The following ANKRD6 variants were observed in gnomAD, a reference collection of about 807,000 sequenced individuals.
ANKRD6 encodes the protein ankyrin repeat domain 6.
A neutral mutation model predicts 82.3 loss-of-function variants in ANKRD6; 56 were observed. The ratio of observed to expected loss-of-function variants is 0.68; its 90% CI spans 0.55 to 0.85. The LOEUF (loss-of-function observed/expected upper bound fraction) is 0.85. Among genes scored for constraint, ANKRD6 ranks in the 40% least tolerant of loss-of-function variants. The pLI is 0.00. For synonymous variants in ANKRD6, 347 were observed against 352.1 expected (o/e 0.99, Z 0.16); for missense variants, 852 against 907.6 (o/e 0.94, Z 0.79).
chr6:89,615,427 C>T (rs1332386023), intron 7 of ANKRD6, among the ~76,000 whole-genome samples: 1 of 152,168 alleles, frequency 6.6e-6, no homozygotes, highest in Non-Finnish European at 1.5e-5. Flanking sequence ...CCCTGCATAG[C>T]CCCCACCAAC....
intron 12 of ANKRD6, 121 bp from the exon 13 acceptor site, chr6:89,624,418 T>G: frequency 1.4e-5 from 17 of 1,258,794 alleles, no homozygotes; most frequent in Non-Finnish European, 1.7e-5. Context: ...ATGACAAGGA[T>G]GAGCCTATCT....
rs147119648 is a variant in ANKRD6, at chr6:89,484,318, A to G, written c.-144+50943A>G. On this transcript the variant is annotated intron_variant, in intron 1 of 15. Coordinates refer to ENST00000339746, the MANE Select transcript of ANKRD6 (RefSeq NM_001242809.2). Reference sequence around the variant, plus strand: ...ATGCGCTTACCACAGGGTAGAGGATATATGTCTTTGTCATGCTGTGGGCTT... The same window carrying G: ...ATGCGCTTACCACAGGGTAGAGGATGTATGTCTTTGTCATGCTGTGGGCTT... Among the ~76,000 whole-genome samples the G allele has an allele frequency of 3.3e-5, 5 of 152,328 alleles. No individual in the cohort carries two copies. In the East Asian group the frequency reaches 9.6e-4, roughly 29 times the overall value.
chr6:89,552,949 A>G (rs1786046929), intron 1 of ANKRD6, among the ~76,000 whole-genome samples: 1 of 152,126 alleles, frequency 6.6e-6, no homozygotes. Context: ...TCTTTTGTGG[A>G]TAGTGGTGTG....
At chr6:89,627,796 C>A in intron 14 of ANKRD6, 100 bp downstream of exon 14, 1 of 938,202 alleles carries the variant, frequency 1.1e-6, no homozygotes, top group Non-Finnish European at 1.6e-6. Context: ...CTGAGACTCC[C>A]TAAGAGCTTT....
Position 89,624,635 on chromosome 6 carries a change from G to A in ANKRD6, c.1315G>A (p.Val439Ile), listed in dbSNP as rs1804964223. ...VEEIKAELGS[V>I]QDKMNTKLGQ... Reference sequence around the variant, plus strand: ...GGAGATAAAAGCAGAGCTGGGATCGGTTCAGGACAAAATGAATACAAAGCT... The same window carrying A: ...GGAGATAAAAGCAGAGCTGGGATCGATTCAGGACAAAATGAATACAAAGCT... Residue 439 changes from valine (V) to isoleucine (I), a missense_variant, in exon 13 of 16, where the codon GTT becomes ATT. Val to Ile is a conservative substitution (Grantham distance 29). Coordinates refer to ENST00000339746, the MANE Select transcript of ANKRD6 (RefSeq NM_001242809.2). 2 of 1,589,780 alleles carry A rather than the reference G, an allele frequency of 1.3e-6. No homozygotes were observed. The highest frequency in any genetic ancestry group is 2.7e-5 in the African/African-American group (2 of 74,520).
At chr6:89,624,806 A>G (rs1805038193) in intron 13 of ANKRD6, 115 bp downstream of exon 13, 7 of 1,151,658 alleles carry the variant, frequency 6.1e-6, no homozygotes, top group Non-Finnish European at 8.3e-6. Context: ...GTGGGCTGTC[A>G]GGGAAGAGGC....
At position 89,582,350 on chromosome 6, in the gene ANKRD6, A is replaced by G. The variant is rs191818209; in HGVS notation, c.121-13566A>G. 1.4e-3 allele frequency among the ~76,000 whole-genome samples: 210 copies of G among 152,088 alleles called. 1 individual carries two copies. The highest frequency in any genetic ancestry group is 1.4e-3 in the Non-Finnish European group (97 of 67,972). On this transcript the variant is annotated intron_variant, in intron 2 of 15. Transcript: ENST00000339746. ...GTCCACAGGTATGCACCACCATGCC[A>G]GGCTAACTTTTTTTACTTTTTGTGG...
intron 1 of ANKRD6, among the ~76,000 whole-genome samples, chr6:89,543,534 C>T (rs1206923613): frequency 6.6e-6 from 1 of 152,196 alleles, no homozygotes; most frequent in Non-Finnish European, 1.5e-5. Flanking sequence ...ATCTAACAGT[C>T]TGAAAGATCT....
intron 8 of ANKRD6, 40 bp from the exon 9 acceptor site, chr6:89,617,914 C>T (rs745638307): frequency 2.5e-6 from 4 of 1,593,442 alleles, no homozygotes; most frequent in Admixed American, 1.7e-5. Context: ...GTGTGGGACC[C>T]GTGGCCCTTT....
chr6:89,496,182 C>CG (rs906133789), intron 1 of ANKRD6, among the ~76,000 whole-genome samples: 5 of 151,688 alleles, frequency 3.3e-5, no homozygotes, highest in African/African-American at 1.2e-4. Context: ...CACTGCCCCC[C>CG]CCCCCACCAT....
At chr6:89,477,090 A>AC (rs1473273438) in intron 1 of ANKRD6, among the ~76,000 whole-genome samples, 1 of 151,766 alleles carries the variant, frequency 6.6e-6, no homozygotes, top group South Asian at 2.1e-4. Flanking sequence ...GACTACAGGC[A>AC]CCCCCTACCA....
chr6:89,520,684 G>T (rs549979144), intron 1 of ANKRD6, among the ~76,000 whole-genome samples: 10 of 152,244 alleles, frequency 6.6e-5, no homozygotes, highest in Non-Finnish European at 1.2e-4. Flanking sequence ...TTTCATGTGA[G>T]CAATGGTGCG....
In ANKRD6 at chr6:89,566,906, G is replaced by A. The variant is rs1052395989; in HGVS notation, c.-71G>A. 1.7e-5 allele frequency: 26 copies of A among 1,537,634 alleles called. No homozygotes were observed. Among genetic ancestry groups the A allele is most frequent in the Middle Eastern group, 1.9e-4 (1 of 5,224 alleles). ...CATCTTTACCTCTGGGTGCCAGGCC[G>A]GGCCAGTGACTTCGTGTTGAGCTGA... On this transcript the variant is annotated 5_prime_UTR_variant, in exon 2 of 16. Coordinates refer to ENST00000339746, the MANE Select transcript of ANKRD6 (RefSeq NM_001242809.2).
At chr6:89,563,816 G>A (rs1432558764) in intron 1 of ANKRD6, among the ~76,000 whole-genome samples, 1 of 152,174 alleles carries the variant, frequency 6.6e-6, no homozygotes, top group African/African-American at 2.4e-5. Context: ...TAAGGAATGG[G>A]TATCATTGTT....
In ANKRD6 at chr6:89,566,578, T is replaced by C. The variant is rs1583321574; in HGVS notation, c.-143-256T>C. Among the ~76,000 whole-genome samples the C allele has an allele frequency of 2.0e-5, 3 of 152,178 alleles. No homozygotes were observed. The South Asian group carries it at 6.2e-4, about 32-fold the overall frequency. On this transcript the variant is annotated intron_variant, in intron 1 of 15. Coordinates refer to ENST00000339746, the MANE Select transcript of ANKRD6 (RefSeq NM_001242809.2). Reference sequence around the variant, plus strand: ...GAGAAAAACAGAGCAAACCTTGCAGTTCTGGCCATACTCCTCCGGAGGATG... The same window carrying C: ...GAGAAAAACAGAGCAAACCTTGCAGCTCTGGCCATACTCCTCCGGAGGATG...
At chr6:89,575,318 G>C (rs1021427929) in intron 2 of ANKRD6, among the ~76,000 whole-genome samples, 7 of 152,180 alleles carry the variant, frequency 4.6e-5, no homozygotes, top group Non-Finnish European at 1.0e-4. Context: ...AGGGATTCTA[G>C]TTTCTATGGT....
intron 15 of ANKRD6, 106 bp downstream of exon 15, chr6:89,629,344 C>T (rs1285806968): frequency 6.6e-7 from 1 of 1,511,860 alleles, no homozygotes; most frequent in African/African-American, 1.4e-5. Flanking sequence ...GTGGGAAACA[C>T]TGGATGGTAA....
chr6:89,519,222 G>T (rs368092728), intron 1 of ANKRD6, among the ~76,000 whole-genome samples: 18 of 152,326 alleles, frequency 1.2e-4, no homozygotes, highest in African/African-American at 4.3e-4. Flanking sequence ...GGAGATACTG[G>T]CTGTAATTTA....
chr6:89,524,281 A>G (rs2127975905), intron 1 of ANKRD6, among the ~76,000 whole-genome samples: 1 of 152,252 alleles, frequency 6.6e-6, no homozygotes, highest in Middle Eastern at 3.4e-3. Flanking sequence ...CCCAGTGTGT[A>G]GTCCTTTATC....
Sources: gnomAD v4.1 joint callset for allele counts (sites outside exome capture counted in the v4.1 genomes callset) on GRCh38, gnomAD v4.1.1 for gene constraint, MANE v1.5 for transcripts, NCBI Gene and HGNC (gene_info 2026-07-23, HGNC 2026-07-21) for gene names.